OTOA: variants seen among roughly 807,000 people sequenced by gnomAD.
OTOA encodes cancer/testis antigen 108.
OTOA carries 70 observed loss-of-function variants against 110.8 expected under a neutral mutation model. That is an observed-to-expected ratio of 0.63 (90% CI 0.52 to 0.77). OTOA has a LOEUF of 0.77. Ranked by LOEUF, OTOA falls within the 30% of genes least tolerant of loss-of-function variation. The pLI, the probability that OTOA is intolerant of heterozygous loss-of-function variation, is 0.00. For missense variants in OTOA, 917 were observed against 1,075.8 expected, an observed-to-expected ratio of 0.85 and a Z score of 2.06; for synonymous variants, 373 against 431.5, an observed-to-expected ratio of 0.86 and a Z score of 1.68.
At chr16:21,678,431 C>A (rs1966866220) in intron 1 of OTOA, 80 bp from the exon 2 acceptor site, 11 of 872,790 alleles carry the variant, frequency 1.3e-5, no homozygotes, top group East Asian at 3.0e-5. Context: ...TGTTTATATA[C>A]ATGTATATAT....
At position 21,728,591 on chromosome 16, in the gene OTOA, AT is replaced by A. The variant is rs144501675; in HGVS notation, c.2207+174del. Among the ~76,000 whole-genome samples the A allele has an allele frequency of 2.6e-3, 378 of 143,546 alleles. No homozygotes were observed. Among genetic ancestry groups the A allele is most frequent in the Middle Eastern group, 0.011 (3 of 266 alleles). 94.2% of individuals were successfully genotyped at this position (143,546 alleles called of 152,430 possible). ...GTGACCTTTCTTCTTTTGGCTTCAG[AT>A]TTTTTTTTTTTTTCTTAGACGGAGT... is the stretch of plus-strand genomic sequence containing the variant. On this transcript the variant is annotated intron_variant, in intron 20 of 28. Coordinates refer to ENST00000646100, the MANE Select transcript of OTOA (RefSeq NM_144672.4).
chr16:21,705,492 C>T (rs1018299148), intron 12 of OTOA, 200 bp downstream of exon 12: 1 of 782,402 alleles, frequency 1.3e-6, no homozygotes, highest in Non-Finnish European at 2.0e-6. Flanking sequence ...AGGAACAGAC[C>T]CTGGGGAGAT....
intron 9 of OTOA, among the ~76,000 whole-genome samples, chr16:21,695,893 T>TATATATATATA (rs1567372708): frequency 4.8e-4 from 30 of 62,880 alleles, no homozygotes; most frequent in Non-Finnish European, 7.3e-4. Flanking sequence ...ATATATATAT[T>TATATATATATA]TTTTTTTTTT....
chr16:21,704,108 A>C (rs990086981), intron 11 of OTOA, among the ~76,000 whole-genome samples: 1 of 152,102 alleles, frequency 6.6e-6, no homozygotes, highest in African/African-American at 2.4e-5. Flanking sequence ...GGCCTGAATC[A>C]ATGCTCTTAA....
In OTOA at chr16:21,728,444, T is replaced by G; in HGVS notation, c.2207+13T>G. On this transcript the variant is annotated intron_variant, in intron 20 of 28. Transcript: ENST00000646100. ...TGGGACAGTATGGGTGAGGAGCGGC[T>G]GGGTTTGGCTTTTGGTGGTGTGGTA... 1 of 1,612,086 alleles carries G rather than the reference T, an allele frequency of 6.2e-7. No individual in the cohort carries two copies. The highest frequency in any genetic ancestry group is 8.5e-7 in the Non-Finnish European group (1 of 1,179,234).
At chr16:21,692,635 G>T (rs1177201433) in intron 9 of OTOA, among the ~76,000 whole-genome samples, 1 of 151,738 alleles carries the variant, frequency 6.6e-6, no homozygotes, top group Non-Finnish European at 1.5e-5. Flanking sequence ...ACTTAAAAAT[G>T]GGGCCAGGTG....
Position 21,687,449 on chromosome 16 carries a change from C to T in OTOA, c.436C>T (p.Arg146Ter), listed in dbSNP as rs561680253. 9.3e-6 allele frequency: 15 copies of T among 1,613,870 alleles called. No individual in the cohort carries two copies. The highest frequency in any genetic ancestry group is 2.2e-5 in the South Asian group (2 of 91,074). ...CATCATCATCGACTTAGGAGAGATT[C>T]GAGAACGAGCCTTGCAGAGCCCTGG... The part of the protein sequence containing the change: ...KDIIIDLGEI[R>*]ERALQSPGVN... Residue 146 changes from arginine (R) to a stop codon, truncating the protein, a stop_gained, in exon 8 of 29, where the codon CGA becomes TGA. Coordinates refer to ENST00000646100, the MANE Select transcript of OTOA (RefSeq NM_144672.4). LOFTEE classifies it high-confidence loss of function.
At chr16:21,681,908 G>A (rs1966899233) in intron 6 of OTOA, 83 bp downstream of exon 6, 4 of 1,286,788 alleles carry the variant, frequency 3.1e-6, no homozygotes, top group Non-Finnish European at 4.5e-6. Flanking sequence ...TTGGAGAAGT[G>A]GGCTGGATGT....
At chr16:21,736,959 T>G in intron 22 of OTOA, among the ~76,000 whole-genome samples, 1 of 152,306 alleles carries the variant, frequency 6.6e-6, no homozygotes, top group Non-Finnish European at 1.5e-5. Context: ...AGGACCAACA[T>G]GGATTAGTGG....
chr16:21,681,703 CATT>C (rs1426122083), intron 5 of OTOA, 32 bp from the exon 6 acceptor site: 1 of 1,563,632 alleles, frequency 6.4e-7, no homozygotes, highest in Admixed American at 1.7e-5. Flanking sequence ...GAGAATCTGT[CATT>C]GTGATCTTTT....
intron 5 of OTOA, among the ~76,000 whole-genome samples, chr16:21,681,113 G>A (rs1261400500): frequency 3.9e-5 from 6 of 152,110 alleles, no homozygotes; most frequent in African/African-American, 9.7e-5. Flanking sequence ...TGTACCTAGC[G>A]TCTGCTTTTA....
Position 21,679,367 on chromosome 16 carries a change from C to T in OTOA, c.179+156C>T, listed in dbSNP as rs535192299. On this transcript the variant is annotated intron_variant, in intron 5 of 28. Transcript: ENST00000646100. ...AAAGTCAACAAACACCCTTGCTCCACGGGCATCATTCCTCCTCACTCTAGC... is the reference window on the plus strand; with the variant it reads ...AAAGTCAACAAACACCCTTGCTCCATGGGCATCATTCCTCCTCACTCTAGC... Among the ~76,000 whole-genome samples, 7 of 152,154 alleles carry T rather than the reference C, an allele frequency of 4.6e-5. No homozygotes were observed. The East Asian group carries it at 5.8e-4, about 13-fold the overall frequency.
At chr16:21,713,819 T>C (rs1366596822) in intron 13 of OTOA, among the ~76,000 whole-genome samples, 5 of 152,178 alleles carry the variant, frequency 3.3e-5, no homozygotes, top group African/African-American at 1.2e-4. Flanking sequence ...GGTGACTTTA[T>C]GTTGAAGGCT....
chr16:21,681,881 C>T, intron 6 of OTOA, 56 bp downstream of exon 6: 1 of 1,523,118 alleles, frequency 6.6e-7, no homozygotes, highest in South Asian at 1.1e-5. Flanking sequence ...GGATTGCAAA[C>T]TCAGGGGCCA....
intron 6 of OTOA, 44 bp downstream of exon 6, chr16:21,681,869 A>T: frequency 1.9e-6 from 3 of 1,568,056 alleles, no homozygotes; most frequent in Non-Finnish European, 8.8e-7. Context: ...CTCAGTGCTC[A>T]GGGATTGCAA....
intron 9 of OTOA, among the ~76,000 whole-genome samples, chr16:21,695,878 TATATATATATA>T (rs1567372570): frequency 2.5e-5 from 1 of 40,250 alleles, no homozygotes; most frequent in African/African-American, 1.3e-4. Flanking sequence ...TATATATATA[TATATATATATA>T]TATTTTTTTT....
chr16:21,704,828 C>A, intron 11 of OTOA: 1 of 737,540 alleles, frequency 1.4e-6, no homozygotes, highest in Non-Finnish European at 2.5e-6. Flanking sequence ...GGTAATGAGA[C>A]TTGATCTGAT....
Position 21,709,890 on chromosome 16 carries a change from C to T in OTOA, c.1107C>T (p.Leu369=). ...ATTCCAGTTTGCTCTCCTTCCAGCTCAAAGCAGAACTCCTGGACATTGCCA... is the reference window on the plus strand; with the variant it reads ...ATTCCAGTTTGCTCTCCTTCCAGCTTAAAGCAGAACTCCTGGACATTGCCA... ...LRGFQAGVQK[L]KAELLDIAME... The change falls in exon 13 of 29, where the codon CTC becomes CTT. Residue 369 remains leucine (L), a splice_region_variant and synonymous_variant. Coordinates refer to ENST00000646100, the MANE Select transcript of OTOA (RefSeq NM_144672.4). 6.2e-7 allele frequency: 1 copy of T among 1,613,006 alleles called. No individual in the cohort carries two copies. The highest frequency in any genetic ancestry group is 8.5e-7 in the Non-Finnish European group (1 of 1,179,058).
intron 8 of OTOA, among the ~76,000 whole-genome samples, chr16:21,690,074 G>C (rs1261037330): frequency 6.6e-6 from 1 of 152,138 alleles, no homozygotes; most frequent in Non-Finnish European, 1.5e-5. Context: ...AGGACCAAGA[G>C]GTGAGGAAGT....
Sources: gnomAD v4.1 joint callset for allele counts (sites outside exome capture counted in the v4.1 genomes callset) on GRCh38, gnomAD v4.1.1 for gene constraint, MANE v1.5 for transcripts, NCBI Gene and HGNC (gene_info 2026-07-23, HGNC 2026-07-21) for gene names.